SMARCA1: variants seen among roughly 807,000 people sequenced by gnomAD.
SMARCA1 encodes the protein SWI/SNF-related matrix-associated actin-dependent regulator of chromatin subfamily A member 1.
SMARCA1 carries 17 observed loss-of-function variants against 93.6 expected under a neutral mutation model. That is an observed-to-expected ratio of 0.18 (90% confidence interval 0.12 to 0.27). SMARCA1 has a LOEUF of 0.27. Among genes scored for constraint, SMARCA1 ranks in the 10% least tolerant of loss-of-function variants. The pLI is 1.00. For synonymous variants in SMARCA1, 271 were observed against 271.4 expected (o/e 1.00, Z 0.01); for missense variants, 630 against 819.0 (o/e 0.77, Z 2.82).
chrX:129,507,859 A>G (rs1229518386), intron 7 of SMARCA1, 82 bp downstream of exon 7: 6 of 657,538 alleles, frequency 9.1e-6, no homozygotes, highest in Non-Finnish European at 1.3e-5. Flanking sequence ...CTGTTCCATC[A>G]TTTTTTATTC....
At chrX:129,518,323 A>G (rs1417593880) in intron 2 of SMARCA1, 38 bp downstream of exon 2, 1 of 793,657 alleles carries the variant, frequency 1.3e-6, no homozygotes, top group East Asian at 3.4e-5. Context: ...ATAAAAATTA[A>G]TTACAGCATT....
chrX:129,499,588 C>A, intron 10 of SMARCA1, 144 bp downstream of exon 10: 1 of 335,318 alleles, frequency 3.0e-6, no homozygotes, highest in Non-Finnish European at 5.3e-6. Context: ...TACAAATTTT[C>A]TCTGAAAATA....
At chrX:129,464,937 A>T (rs1569427053) in intron 23 of SMARCA1, among the ~76,000 whole-genome samples, 1 of 112,124 alleles carries the variant, frequency 8.9e-6, no homozygotes, top group Non-Finnish European at 1.9e-5. Context: ...CTACAAGACA[A>T]CTAGCCTGGA....
Position 129,497,745 on chromosome X carries a change from G to T in SMARCA1, c.1504+100C>A. ...TGGCAAATGGTAAGTACTCAACAAT[G>T]TCTGCTGAATAAGTGAATGAATGAA... On this transcript the variant is annotated intron_variant, in intron 11 of 24. Coordinates refer to ENST00000371121, the MANE Select transcript of SMARCA1 (RefSeq NM_001282874.2). The T allele has an allele frequency of 5.7e-6, 3 of 528,810 alleles. No homozygotes were observed. The South Asian group carries it at 9.8e-5, about 17-fold the overall frequency. The allele number at this position is 528,810 out of a possible 1,213,427, so 43.6% of individuals were successfully genotyped here.
intron 19 of SMARCA1, among the ~76,000 whole-genome samples, chrX:129,473,755 C>T (rs6637602): frequency 0.093 from 10,310 of 111,426 alleles, 429 homozygotes; most frequent in East Asian, 0.32. Flanking sequence ...AATTTAAAAA[C>T]CTAATCTATG....
In SMARCA1 at chrX:129,486,063, T is replaced by A. The variant is rs760912965; in HGVS notation, c.2217+955A>T. Among the ~76,000 whole-genome samples, 7 of 111,959 alleles carry A rather than the reference T, an allele frequency of 6.3e-5. No individual in the cohort carries two copies. The South Asian group carries it at 2.6e-3, about 42-fold the overall frequency. On this transcript the variant is annotated intron_variant, in intron 17 of 24. Transcript: ENST00000371121. The stretch of plus-strand genomic sequence containing the variant: ...TGATTTGATCATTACACATTGTATA[T>A]ATGTAACAAAATATCACTCTGTATC...
intron 1 of SMARCA1, among the ~76,000 whole-genome samples, chrX:129,519,170 T>C (rs1337713237): frequency 8.9e-6 from 1 of 111,759 alleles, no homozygotes; most frequent in Non-Finnish European, 1.9e-5. Flanking sequence ...AAAACTAACA[T>C]CAATCAATAA....
intron 8 of SMARCA1, 97 bp from the exon 9 acceptor site, chrX:129,504,899 T>C (rs1007280756): frequency 4.0e-6 from 2 of 504,056 alleles, no homozygotes; most frequent in African/African-American, 2.4e-5. Flanking sequence ...AAATAATGCA[T>C]TTAAAAAGTA....
chrX:129,460,064 C>T (rs183016277), intron 23 of SMARCA1, among the ~76,000 whole-genome samples: 5 of 110,693 alleles, frequency 4.5e-5, no homozygotes, highest in African/African-American at 1.6e-4. Context: ...GTGGGAGGTT[C>T]GCTTGAGTCC....
At chrX:129,510,166 T>G (rs1934972451) in intron 6 of SMARCA1, among the ~76,000 whole-genome samples, 1 of 112,226 alleles carries the variant, frequency 8.9e-6, no homozygotes, top group South Asian at 3.7e-4. Flanking sequence ...ACCTTTTGAA[T>G]TGCAATCCAG....
At chrX:129,490,803 A>G (rs762794678) in intron 14 of SMARCA1, among the ~76,000 whole-genome samples, 2 of 111,039 alleles carry the variant, frequency 1.8e-5, no homozygotes, top group Non-Finnish European at 1.9e-5. Flanking sequence ...GTAGAGAAAA[A>G]AAAAATGTAA....
chrX:129,462,687 T>G (rs1012214035), intron 23 of SMARCA1, among the ~76,000 whole-genome samples: 1 of 111,618 alleles, frequency 9.0e-6, no homozygotes, highest in Non-Finnish European at 1.9e-5. Flanking sequence ...TTTCTGAAGA[T>G]TGTTCAGAAA....
At chrX:129,452,013 T>C (rs898986565) in intron 23 of SMARCA1, among the ~76,000 whole-genome samples, 1 of 112,177 alleles carries the variant, frequency 8.9e-6, no homozygotes, top group Admixed American at 9.4e-5. Context: ...TCCATTTTTT[T>C]ATTCTCATGC....
At chrX:129,460,711 C>T (rs966547042) in intron 23 of SMARCA1, among the ~76,000 whole-genome samples, 1 of 111,451 alleles carries the variant, frequency 9.0e-6, no homozygotes, top group African/African-American at 3.3e-5. Flanking sequence ...CCATAAGCAG[C>T]AAATAGAAGT....
intron 23 of SMARCA1, among the ~76,000 whole-genome samples, chrX:129,453,474 C>A (rs991239341): frequency 1.8e-5 from 2 of 111,734 alleles, no homozygotes; most frequent in African/African-American, 6.5e-5. Flanking sequence ...AAGAAATAAA[C>A]GGTATTCAAA....
intron 11 of SMARCA1, 131 bp downstream of exon 11, chrX:129,497,714 A>G: frequency 2.2e-6 from 1 of 465,017 alleles, no homozygotes; most frequent in Non-Finnish European, 3.8e-6. Flanking sequence ...CCTGTAGGAC[A>G]ATTCCTGGCA....
At chrX:129,514,316 CAA>C (rs1193195150) in intron 5 of SMARCA1, among the ~76,000 whole-genome samples, 2 of 94,823 alleles carry the variant, frequency 2.1e-5, no homozygotes, top group South Asian at 9.5e-4. Context: ...GACTCCGTCT[CAA>C]AAAAAAAAAA....
At chrX:129,464,545 A>G (rs1368680730) in intron 23 of SMARCA1, among the ~76,000 whole-genome samples, 2 of 112,616 alleles carry the variant, frequency 1.8e-5, no homozygotes, top group Non-Finnish European at 3.7e-5. Flanking sequence ...CACAATTCAC[A>G]TTAGAAAGTA....
At chrX:129,507,775 A>G (rs779762884) in intron 7 of SMARCA1, among the ~76,000 whole-genome samples, 166 bp downstream of exon 7, 2 of 112,099 alleles carry the variant, frequency 1.8e-5, no homozygotes, top group East Asian at 2.8e-4. Context: ...AATGGTCTCA[A>G]TCTCTTGATC....
Sources: gnomAD v4.1 joint callset for allele counts (sites outside exome capture counted in the v4.1 genomes callset) on GRCh38, gnomAD v4.1.1 for gene constraint, MANE v1.5 for transcripts, NCBI Gene and HGNC (gene_info 2026-07-23, HGNC 2026-07-21) for gene names.